LRPAP1: variants seen among roughly 807,000 people sequenced by gnomAD.
The protein encoded by LRPAP1 is LDL receptor related protein associated protein 1, also known as alpha-2-macroglobulin receptor-associated protein.
A neutral mutation model predicts 39.9 loss-of-function variants in LRPAP1; 41 were observed. That is an observed-to-expected ratio of 1.03 (90% CI 0.80 to 1.33). The LOEUF (loss-of-function observed/expected upper bound fraction) is 1.33, where lower values mean the gene tolerates loss of function less well. LRPAP1 is among the 40% of genes most tolerant of loss of function. The pLI is 0.00. For synonymous variants in LRPAP1, 263 were observed against 212.7 expected (o/e 1.24, Z -2.06); for missense variants, 565 against 482.3 (o/e 1.17, Z -1.61).
chr4:3,525,216 G>C (rs1341358479), intron 1 of LRPAP1, 165 bp from the exon 2 acceptor site: 4 of 712,866 alleles, frequency 5.6e-6, no homozygotes, highest in Non-Finnish European at 7.2e-6. Context: ...GTTTAGACAA[G>C]AACTCAACAT....
At chr4:3,523,474 C>T (rs1159569426) in intron 2 of LRPAP1, among the ~76,000 whole-genome samples, 1 of 152,164 alleles carries the variant, frequency 6.6e-6, no homozygotes, top group Non-Finnish European at 1.5e-5. Flanking sequence ...TTAACCCGGG[C>T]GCAGCCACAT....
rs957510799 is a variant in LRPAP1, at chr4:3,508,314, A to T, written c.*4660T>A. 1 of 152,216 alleles carries T rather than the reference A, an allele frequency of 6.6e-6. No individual in the cohort carries two copies. Among genetic ancestry groups the T allele is most frequent in the Non-Finnish European group, 1.5e-5 (1 of 68,052 alleles). The allele number at this position is 152,216 out of a possible 1,614,324, so 9.4% of individuals were successfully genotyped here. ...AGCCACCATGCCAGGCCTCATGTCT[A>T]TTTTTAAAAATCAAGTTCTTAATGA... On this transcript the variant is annotated 3_prime_UTR_variant, in exon 8 of 8. Transcript: ENST00000650182.
chr4:3,517,692 CTA>C (rs1481502982), intron 5 of LRPAP1: 39 of 202,566 alleles, frequency 1.9e-4, no homozygotes, highest in African/African-American at 8.6e-4. Context: ...GGAGACGGAG[CTA>C]TGTTTGACGA....
rs1309428677 is a variant in LRPAP1 at position 3,522,546 on chromosome 4, CCCGGGGAGGACAGACGCCACCCCACA to C, written c.349+2335_350-2354del. Among the ~76,000 whole-genome samples the C allele has an allele frequency of 7.6e-4, 16 of 21,000 alleles. 1 individual carries two copies. The highest frequency in any genetic ancestry group is 2.9e-3 in the South Asian group (1 of 344). The allele number at this position is 21,000 out of a possible 152,430, so 13.8% of individuals were successfully genotyped here. On this transcript the variant is annotated intron_variant, in intron 2 of 7. Transcript: ENST00000650182. ...GACGGACGTCATCCCACACGCCCTG[CCCGGGGAGGACAGACGCCACCCCACA>C]CTCCCTGCCTGGGGAAGTCGGACGC... is the stretch of plus-strand genomic sequence containing the variant.
At chr4:3,529,676 A>T (rs1730187682) in intron 1 of LRPAP1, among the ~76,000 whole-genome samples, 1 of 152,160 alleles carries the variant, frequency 6.6e-6, no homozygotes, top group Non-Finnish European at 1.5e-5. Context: ...GGAGAGGATG[A>T]AGCAGCACCC....
rs758815497 is a variant in LRPAP1 at position 3,517,920 on chromosome 4, G to A, written c.751+114C>T. ...TAGACTGAGCGCGCCGAGGGTCTCC[G>A]CTGCGTCCACAGGCCCAGGTTCCCG... On this transcript the variant is annotated intron_variant, in intron 5 of 7. Coordinates refer to ENST00000650182, the MANE Select transcript of LRPAP1 (RefSeq NM_002337.4). 68 of 1,358,394 alleles carry A rather than the reference G, an allele frequency of 5.0e-5. 1 individual carries two copies. The highest frequency in any genetic ancestry group is 4.5e-4 in the East Asian group (19 of 41,842). 84.1% of individuals were successfully genotyped at this position (1,358,394 alleles called of 1,614,324 possible).
chr4:3,530,939 G>A (rs911332351), intron 1 of LRPAP1, among the ~76,000 whole-genome samples: 11 of 152,080 alleles, frequency 7.2e-5, no homozygotes, highest in Non-Finnish European at 1.6e-4. Flanking sequence ...CATGGGGAGG[G>A]GGGACTCCAC....
At chr4:3,513,072 G>A (rs368029796) in intron 7 of LRPAP1, 36 bp from the exon 8 acceptor site, 93 of 1,537,680 alleles carry the variant, frequency 6.0e-5, no homozygotes, top group Admixed American at 3.7e-4. Context: ...TGGGGACAGC[G>A]CGCCTCGAGG....
In LRPAP1 at chr4:3,503,645, G is replaced by T. The variant is rs925060107; in HGVS notation, c.*9329C>A. On this transcript the variant is annotated 3_prime_UTR_variant, in exon 8 of 8. Transcript: ENST00000650182. ...ATGAGAAAATATTTTGAACTGAATG[G>T]CAGTGAAAACACTACACATCAAAAC... is the stretch of plus-strand genomic sequence containing the variant. 2.0e-5 allele frequency: 3 copies of T among 152,204 alleles called. No homozygotes were observed. Among genetic ancestry groups the T allele is most frequent in the Non-Finnish European group, 2.9e-5 (2 of 68,038 alleles). The allele number at this position is 152,204 out of a possible 1,614,324, so 9.4% of individuals were successfully genotyped here.
chr4:3,508,837 G>C lies in LRPAP1; in HGVS notation c.*4137C>G, dbSNP rs573979293. 40 of 152,250 alleles carry C rather than the reference G, an allele frequency of 2.6e-4. No individual in the cohort carries two copies. In the East Asian group the frequency reaches 7.7e-3, roughly 29 times the overall value. The allele number at this position is 152,250 out of a possible 1,614,324, so 9.4% of individuals were successfully genotyped here. ...CCAACACTGAGCCGGGAGAGACTGA[G>C]CCCATGTTCACCGAGACTGGGAATA... On this transcript the variant is annotated 3_prime_UTR_variant, in exon 8 of 8. Transcript: ENST00000650182.
chr4:3,523,964 G>A (rs1730001337), intron 2 of LRPAP1, among the ~76,000 whole-genome samples: 1 of 151,822 alleles, frequency 6.6e-6, no homozygotes, highest in African/African-American at 2.4e-5. Context: ...GTCACACAGG[G>A]AGCAGCGGGG....
At chr4:3,522,595 C>T (rs1024698018) in intron 2 of LRPAP1, among the ~76,000 whole-genome samples, 2 of 51,108 alleles carry the variant, frequency 3.9e-5, no homozygotes, top group African/African-American at 5.1e-5. Flanking sequence ...GGAAGTCGGA[C>T]GCCGCCCCAC....
chr4:3,524,759 CG>C, intron 2 of LRPAP1, 147 bp downstream of exon 2: 2 of 938,306 alleles, frequency 2.1e-6, no homozygotes, highest in Non-Finnish European at 1.7e-6. Flanking sequence ...TCAGGATGCT[CG>C]GGGAAAGGCT....
At chr4:3,521,748 G>A (rs530845463) in intron 2 of LRPAP1, among the ~76,000 whole-genome samples, 2 of 152,358 alleles carry the variant, frequency 1.3e-5, no homozygotes, top group African/African-American at 4.8e-5. Context: ...GCAGTCAAGA[G>A]CTGCTGGCGC....
At chr4:3,528,165 T>C (rs73197152) in intron 1 of LRPAP1, among the ~76,000 whole-genome samples, 2,889 of 152,278 alleles carry the variant, frequency 0.019, 43 homozygotes, top group Middle Eastern at 0.078. Context: ...AAGTTAAATG[T>C]TAACGCATCA....
chr4:3,520,307 G>T, intron 2 of LRPAP1, 114 bp from the exon 3 acceptor site: 1 of 1,120,204 alleles, frequency 8.9e-7, no homozygotes, highest in Non-Finnish European at 1.3e-6. Context: ...TTTTCCAGTA[G>T]TTTCCTTTCA....
At chr4:3,523,733 C>A (rs2108693892) in intron 2 of LRPAP1, among the ~76,000 whole-genome samples, 1 of 152,360 alleles carries the variant, frequency 6.6e-6, no homozygotes, top group South Asian at 2.1e-4. Context: ...AACCCGGGCG[C>A]TGCAATGCCT....
chr4:3,505,706 T>C lies in LRPAP1; in HGVS notation c.*7268A>G, dbSNP rs1729334341. Reference sequence around the variant, plus strand: ...GTCTATACCAGCTACCCCAAGACCGTCTATACCAGCTACGCCAAGACCGTC... The same window carrying C: ...GTCTATACCAGCTACCCCAAGACCGCCTATACCAGCTACGCCAAGACCGTC... On this transcript the variant is annotated 3_prime_UTR_variant, in exon 8 of 8. Coordinates refer to ENST00000650182, the MANE Select transcript of LRPAP1 (RefSeq NM_002337.4). 1.3e-5 allele frequency among the ~76,000 whole-genome samples: 2 copies of C among 151,984 alleles called. No homozygotes were observed. The highest frequency in any genetic ancestry group is 4.8e-5 in the African/African-American group (2 of 41,400).
intron 1 of LRPAP1, 162 bp from the exon 2 acceptor site, chr4:3,525,213 C>T: frequency 2.7e-6 from 2 of 729,334 alleles, no homozygotes; most frequent in South Asian, 3.2e-5. Context: ...CAGGTTTAGA[C>T]AAGAACTCAA....
Sources: allele counts gnomAD v4.1 joint callset (sites outside exome capture counted in the v4.1 genomes callset), GRCh38; gene constraint gnomAD v4.1.1; transcripts MANE v1.5; gene names NCBI Gene and HGNC (gene_info 2026-07-23, HGNC 2026-07-21).